The following PAN3 variants were observed in gnomAD, a reference collection of about 807,000 sequenced individuals.
The protein encoded by PAN3 is poly(A) specific ribonuclease subunit PAN3.
A neutral mutation model predicts 96.2 loss-of-function variants in PAN3; 19 were observed. The observed-to-expected ratio is 0.20, with a 90% CI of 0.14 to 0.29. The LOEUF (loss-of-function observed/expected upper bound fraction) is 0.29, where lower values mean the gene tolerates loss of function less well. Ranked by LOEUF, PAN3 falls within the 10% of genes least tolerant of loss-of-function variation. PAN3 has a pLI of 1.00. For missense variants in PAN3, 882 were observed against 1,108.1 expected (o/e 0.80, Z 2.90); for synonymous variants, 433 against 406.6 (o/e 1.06, Z -0.78).
intron 5 of PAN3, among the ~76,000 whole-genome samples, chr13:28,208,242 A>G (rs1166356083): frequency 6.6e-6 from 1 of 152,202 alleles, no homozygotes; most frequent in Admixed American, 6.5e-5. Context: ...TTATATGGCT[A>G]TGGATAGAAG....
At chr13:28,190,100 C>T (rs570881601) in intron 4 of PAN3, among the ~76,000 whole-genome samples, 2 of 152,136 alleles carry the variant, frequency 1.3e-5, no homozygotes, top group African/African-American at 2.4e-5. Flanking sequence ...CGTACCACCA[C>T]GCCTGGCTAA....
chr13:28,255,454 C>T (rs1885061475), intron 6 of PAN3, among the ~76,000 whole-genome samples: 1 of 152,004 alleles, frequency 6.6e-6, no homozygotes, highest in African/African-American at 2.4e-5. Flanking sequence ...TTTTTCTCAG[C>T]TAGCTTGGAA....
chr13:28,239,025 A>G (rs1383768150), intron 6 of PAN3, among the ~76,000 whole-genome samples: 1 of 152,168 alleles, frequency 6.6e-6, no homozygotes, highest in Non-Finnish European at 1.5e-5. Context: ...CAAGTGAATC[A>G]GAACCTTGAA....
intron 6 of PAN3, among the ~76,000 whole-genome samples, chr13:28,231,237 GTTAAA>G (rs1026051132): frequency 4.6e-5 from 7 of 152,104 alleles, no homozygotes; most frequent in Admixed American, 1.3e-4. Flanking sequence ...AATGATATTT[GTTAAA>G]TTAATTAATG....
Position 28,138,705 on chromosome 13 carries a change from T to TTCC in PAN3, c.57_59dup (p.Ser20dup). The TTCC allele has an allele frequency of 8.1e-6, 8 of 990,962 alleles. No individual in the cohort carries two copies. Among genetic ancestry groups the TTCC allele is most frequent in the Non-Finnish European group, 1.0e-5 (8 of 768,680 alleles). 61.4% of individuals were successfully genotyped at this position (990,962 alleles called of 1,614,324 possible). ...CGCCCCCCTCGGCCGCCGCCTCCCC[T>TTCC]TCCTCCTCCTCGCTGGCGGCGGCGG... is the stretch of plus-strand genomic sequence containing the variant. On this transcript the variant is annotated inframe_insertion, in exon 1 of 19. Transcript: ENST00000380958.
chr13:28,195,018 A>G (rs1593449619), intron 4 of PAN3, among the ~76,000 whole-genome samples: 1 of 152,266 alleles, frequency 6.6e-6, no homozygotes, highest in East Asian at 1.9e-4. Flanking sequence ...CTAAAGTATG[A>G]TAGCAAATAA....
intron 6 of PAN3, among the ~76,000 whole-genome samples, chr13:28,223,304 T>C (rs1881597875): frequency 1.3e-5 from 2 of 152,202 alleles, no homozygotes; most frequent in African/African-American, 4.8e-5. Flanking sequence ...TTTTTTAATT[T>C]AAGGAATCAA....
chr13:28,138,591 C>A lies in PAN3; in HGVS notation c.-67C>A. The A allele has an allele frequency of 2.4e-6, 1 of 418,710 alleles. No homozygotes were observed. The highest frequency in any genetic ancestry group is 4.0e-6 in the Non-Finnish European group (1 of 249,888). 25.9% of individuals were successfully genotyped at this position (418,710 alleles called of 1,614,324 possible). On this transcript the variant is annotated 5_prime_UTR_variant, in exon 1 of 19. Transcript: ENST00000380958. The stretch of plus-strand genomic sequence containing the variant: ...GCACCGGCAGCGTCTTCCTTTCCTC[C>A]CCCGTCTATGGTGGTGGCGGCGGCG...
intron 9 of PAN3, among the ~76,000 whole-genome samples, chr13:28,262,844 G>A (rs1321121079): frequency 6.6e-6 from 1 of 152,088 alleles, no homozygotes; most frequent in African/African-American, 2.4e-5. Flanking sequence ...CAGTATGTAG[G>A]AATAAATAAC....
chr13:28,273,447 C>G (rs1886795410), intron 14 of PAN3, among the ~76,000 whole-genome samples: 1 of 151,724 alleles, frequency 6.6e-6, no homozygotes, highest in Non-Finnish European at 1.5e-5. Flanking sequence ...CCTAAAAATA[C>G]AAAGATTAGC....
At chr13:28,262,565 A>G (rs1885828454) in intron 9 of PAN3, among the ~76,000 whole-genome samples, 1 of 152,204 alleles carries the variant, frequency 6.6e-6, no homozygotes, top group Non-Finnish European at 1.5e-5. Flanking sequence ...AATTTTTCTT[A>G]ACTGTTTAAT....
In PAN3 at chr13:28,231,344, A is replaced by AGTT. The variant is rs372759095; in HGVS notation, c.1000+10969_1000+10971dup. The stretch of plus-strand genomic sequence containing the variant: ...TATGTGTAGACCAGGAAAACAAAGT[A>AGTT]GTTGTGCAGGCTGTGATCTCTATCA... On this transcript the variant is annotated intron_variant, in intron 6 of 18. Coordinates refer to ENST00000380958, the MANE Select transcript of PAN3 (RefSeq NM_175854.8). 2.4e-3 allele frequency among the ~76,000 whole-genome samples: 359 copies of AGTT among 152,324 alleles called. 1 individual carries two copies. Among genetic ancestry groups the AGTT allele is most frequent in the African/African-American group, 8.3e-3 (343 of 41,566 alleles).
At chr13:28,144,222 T>G (rs9581997) in intron 1 of PAN3, among the ~76,000 whole-genome samples, 69 of 124,408 alleles carry the variant, frequency 5.5e-4, no homozygotes, top group South Asian at 1.4e-3. Flanking sequence ...TTTTTTTTTT[T>G]TTTTTTTTTT....
chr13:28,198,099 C>T (rs944345603), intron 5 of PAN3, among the ~76,000 whole-genome samples: 10 of 151,804 alleles, frequency 6.6e-5, no homozygotes, highest in African/African-American at 2.4e-4. Context: ...ATGGTGAAAC[C>T]CCGTCTCTAC....
chr13:28,234,823 C>T (rs1014126481), intron 6 of PAN3, among the ~76,000 whole-genome samples: 1 of 151,972 alleles, frequency 6.6e-6, no homozygotes, highest in African/African-American at 2.4e-5. Context: ...TTTTTGTGAT[C>T]TTCATTTTCC....
intron 2 of PAN3, among the ~76,000 whole-genome samples, chr13:28,175,607 A>G (rs1294039855): frequency 6.6e-6 from 1 of 152,174 alleles, no homozygotes; most frequent in Non-Finnish European, 1.5e-5. Context: ...TATGAAACCA[A>G]TGCTTTTTTG....
At chr13:28,221,883 C>A (rs992885042) in intron 6 of PAN3, among the ~76,000 whole-genome samples, 1 of 152,160 alleles carries the variant, frequency 6.6e-6, no homozygotes, top group African/African-American at 2.4e-5. Context: ...TGAGCATAAT[C>A]TGCAAATGAG....
At chr13:28,216,108 C>G (rs1004829386) in intron 5 of PAN3, among the ~76,000 whole-genome samples, 4 of 123,092 alleles carry the variant, frequency 3.2e-5, no homozygotes, top group African/African-American at 1.4e-4. Flanking sequence ...GGTAGTTTTA[C>G]TAGTTTTTTA....
chr13:28,149,406 A>G (rs1871084327), intron 1 of PAN3, among the ~76,000 whole-genome samples: 1 of 152,136 alleles, frequency 6.6e-6, no homozygotes, highest in Non-Finnish European at 1.5e-5. Context: ...AAAATAAGAT[A>G]CTTGAAATAT....
Sources: allele counts gnomAD v4.1 joint callset (sites outside exome capture counted in the v4.1 genomes callset), GRCh38; gene constraint gnomAD v4.1.1; transcripts MANE v1.5; gene names NCBI Gene and HGNC (gene_info 2026-07-23, HGNC 2026-07-21).